Variants in ABCA13 observed in about 807,000 individuals in gnomAD.
ABCA13 encodes ATP-binding cassette sub-family A member 13.
A neutral mutation model predicts 478.7 loss-of-function variants in ABCA13; 476 were observed. The ratio of observed to expected loss-of-function variants is 0.99; its 90% CI spans 0.92 to 1.07. The LOEUF (loss-of-function observed/expected upper bound fraction) is 1.07. Among genes scored for constraint, ABCA13 ranks in the 50% least tolerant of loss-of-function variants. ABCA13 has a pLI of 0.00. For synonymous variants in ABCA13, 2,252 were observed against 2,158.9 expected, an observed-to-expected ratio of 1.04 and a Z score of -1.20; for missense variants, 6,060 against 5,910.6, an observed-to-expected ratio of 1.03 and a Z score of -0.83.
intron 23 of ABCA13, 84 bp downstream of exon 23, chr7:48,298,571 C>G: frequency 6.8e-7 from 1 of 1,462,746 alleles, no homozygotes. Context: ...GTCCTTTCTT[C>G]CTTCTTGCCT....
intron 48 of ABCA13, among the ~76,000 whole-genome samples, chr7:48,497,051 C>T (rs983714291): frequency 6.6e-6 from 1 of 151,994 alleles, no homozygotes; most frequent in African/African-American, 2.4e-5. Context: ...TCCCTTTTCT[C>T]TAAGATCAGG....
rs143827800 is a variant in ABCA13, at chr7:48,212,590, C to T, written c.288-6764C>T. Among the ~76,000 whole-genome samples the T allele has an allele frequency of 2.5e-3, 377 of 152,290 alleles. 5 individuals are homozygous for T. Among genetic ancestry groups the T allele is most frequent in the African/African-American group, 8.6e-3 (359 of 41,574 alleles). Reference sequence around the variant, plus strand: ...GAATTCCAGTTGCTCCACATTCTTGCTAACACTTATTATGTTGTTCTCTTT... The same window carrying T: ...GAATTCCAGTTGCTCCACATTCTTGTTAACACTTATTATGTTGTTCTCTTT... On this transcript the variant is annotated intron_variant, in intron 3 of 61. Coordinates refer to ENST00000435803, the MANE Select transcript of ABCA13 (RefSeq NM_152701.5).
intron 29 of ABCA13, among the ~76,000 whole-genome samples, chr7:48,349,163 A>T (rs1051920706): frequency 6.6e-6 from 1 of 152,238 alleles, no homozygotes; most frequent in Non-Finnish European, 1.5e-5. Context: ...ATACAGTGAC[A>T]CTTCACTATT....
chr7:48,596,080 A>G (rs1790254600), intron 58 of ABCA13, among the ~76,000 whole-genome samples: 1 of 152,260 alleles, frequency 6.6e-6, no homozygotes, highest in Non-Finnish European at 1.5e-5. Flanking sequence ...ATTAAATGCT[A>G]TAACTCAGCA....
intron 6 of ABCA13, among the ~76,000 whole-genome samples, chr7:48,228,851 G>A (rs570315704): frequency 1.3e-5 from 2 of 152,290 alleles, no homozygotes; most frequent in South Asian, 4.2e-4. Context: ...AGTGAACAAC[G>A]AAAATAATTG....
At position 48,274,298 on chromosome 7, in the gene ABCA13, G is replaced by A. The variant is rs370463927; in HGVS notation, c.4632G>A (p.Trp1544Ter). 20 of 1,613,098 alleles carry A rather than the reference G, an allele frequency of 1.2e-5. No individual in the cohort carries two copies. The South Asian group carries it at 2.1e-4, about 17-fold the overall frequency. ...TTCCTAATCAGTTTCAAAATATTTG[G>A]CTTCATTTAATAACACTGGGGAAGG... ...DEIPNQFQNI[W>*]LHLITLGKEF... The change falls in exon 17 of 62, where the codon TGG becomes TGA. Residue 1544 changes from tryptophan (W) to a stop codon, truncating the protein, a stop_gained. Coordinates refer to ENST00000435803, the MANE Select transcript of ABCA13 (RefSeq NM_152701.5). LOFTEE classifies it high-confidence loss of function.
intron 59 of ABCA13, chr7:48,626,468 A>G (rs1793679083): frequency 3.6e-6 from 1 of 274,746 alleles, no homozygotes; most frequent in African/African-American, 2.3e-5. Context: ...ACTTGAAGGG[A>G]ATCTTTGGGA....
chr7:48,401,507 T>C (rs141121177), intron 38 of ABCA13, among the ~76,000 whole-genome samples: 1 of 152,296 alleles, frequency 6.6e-6, no homozygotes, highest in East Asian at 1.9e-4. Context: ...TGTGTCCTAA[T>C]TGGATATATA....
intron 42 of ABCA13, among the ~76,000 whole-genome samples, chr7:48,433,192 G>C (rs1822373539): frequency 6.6e-6 from 1 of 151,686 alleles, no homozygotes; most frequent in Non-Finnish European, 1.5e-5. Flanking sequence ...TCTTTGGAAG[G>C]GTAAAAAGAT....
intron 48 of ABCA13, among the ~76,000 whole-genome samples, chr7:48,493,642 G>A (rs1394842454): frequency 6.6e-6 from 1 of 152,178 alleles, no homozygotes; most frequent in Admixed American, 6.5e-5. Context: ...ACCTTGGCAT[G>A]CCAGTAATGA....
chr7:48,320,700 T>G (rs1178774327), intron 27 of ABCA13, among the ~76,000 whole-genome samples: 4 of 152,142 alleles, frequency 2.6e-5, no homozygotes, highest in Non-Finnish European at 5.9e-5. Context: ...ATAAGTAGCA[T>G]GCCTGAAATG....
At chr7:48,412,662 AG>A in intron 41 of ABCA13, 79 bp downstream of exon 41, 45 of 956,528 alleles carry the variant, frequency 4.7e-5, no homozygotes, top group South Asian at 6.2e-5. Flanking sequence ...ATGTGGGTAA[AG>A]GGGGGGAGAT....
At chr7:48,409,869 C>G (rs1818749776) in intron 39 of ABCA13, among the ~76,000 whole-genome samples, 1 of 144,778 alleles carries the variant, frequency 6.9e-6, no homozygotes, top group Non-Finnish European at 1.5e-5. Flanking sequence ...CATCGGAGGT[C>G]AGAAGTTCAA....
chr7:48,598,416 A>G (rs1790520918), intron 58 of ABCA13, among the ~76,000 whole-genome samples: 1 of 152,168 alleles, frequency 6.6e-6, no homozygotes, highest in Non-Finnish European at 1.5e-5. Context: ...TTGTGTGAAC[A>G]TATTTTCAAC....
At chr7:48,376,165 A>G (rs1585068121) in intron 34 of ABCA13, among the ~76,000 whole-genome samples, 1 of 152,186 alleles carries the variant, frequency 6.6e-6, no homozygotes, top group Non-Finnish European at 1.5e-5. Context: ...ACTCAGGTAA[A>G]TAAAACCAGA....
Position 48,412,440 on chromosome 7 carries a change from G to T in ABCA13, c.12316G>T (p.Asp4106Tyr). The T allele has an allele frequency of 6.2e-7, 1 of 1,613,352 alleles. No individual in the cohort carries two copies. Among genetic ancestry groups the T allele is most frequent in the South Asian group, 1.1e-5 (1 of 91,034 alleles). ...KIYIPQAFLK[D>Y]SSGSELTYTI... ...CTATATTCCACAAGCATTTCTCAAA[G>T]ACAGCAGTGGAAGTGAGCTGACCTA... Residue 4106 changes from aspartate to tyrosine, a missense_variant, in exon 41 of 62, where the codon GAC becomes TAC. Around this residue, in one of 3 missense-constraint regions of ABCA13, gnomAD observed 1,627 missense variants for 1,571.0 expected, o/e 1.04. Coordinates refer to ENST00000435803, the MANE Select transcript of ABCA13 (RefSeq NM_152701.5).
intron 27 of ABCA13, among the ~76,000 whole-genome samples, chr7:48,323,753 G>T (rs993114678): frequency 2.6e-5 from 4 of 152,138 alleles, no homozygotes; most frequent in Non-Finnish European, 5.9e-5. Context: ...GTTTGGCTGT[G>T]CCCCCACCCA....
intron 35 of ABCA13, among the ~76,000 whole-genome samples, chr7:48,380,714 G>A (rs1004728014): frequency 1.3e-5 from 2 of 152,090 alleles, no homozygotes; most frequent in Admixed American, 1.3e-4. Flanking sequence ...TTTATTTTCT[G>A]TATTTTTGAG....
chr7:48,431,471 T>G (rs1162013670), intron 42 of ABCA13, among the ~76,000 whole-genome samples: 2 of 152,214 alleles, frequency 1.3e-5, no homozygotes, highest in Non-Finnish European at 2.9e-5. Flanking sequence ...TGTTCATCTG[T>G]TGTGATAGGT....
Sources: allele counts gnomAD v4.1 joint callset (sites outside exome capture counted in the v4.1 genomes callset), GRCh38; gene constraint gnomAD v4.1.1; regional missense constraint gnomAD v4.1.1; transcripts MANE v1.5; gene names NCBI Gene and HGNC (gene_info 2026-07-23, HGNC 2026-07-21).